The following ATP12A variants were observed in gnomAD, a reference collection of about 807,000 sequenced individuals.
ATP12A encodes the protein potassium-transporting ATPase alpha chain 2.
In ATP12A, 81 loss-of-function variants were observed where a neutral mutation model predicts 111.2. The ratio of observed to expected loss-of-function variants is 0.73; its 90% CI spans 0.61 to 0.88. The LOEUF (loss-of-function observed/expected upper bound fraction) is 0.88, where lower values mean the gene tolerates loss of function less well. Ranked by LOEUF, ATP12A falls within the 40% of genes least tolerant of loss-of-function variation. The pLI, the probability that ATP12A is intolerant of heterozygous loss-of-function variation, is 0.00. For synonymous variants in ATP12A, 498 were observed against 499.8 expected, an observed-to-expected ratio of 1.00 and a Z score of 0.05; for missense variants, 1,196 against 1,313.1, an observed-to-expected ratio of 0.91 and a Z score of 1.38.
At chr13:24,709,332 G>A (rs776083719) in intron 17 of ATP12A, 32 bp from the exon 18 acceptor site, 4 of 1,501,862 alleles carry the variant, frequency 2.7e-6, no homozygotes, top group Non-Finnish European at 3.6e-6. Context: ...GAACATCCTG[G>A]GGTTAGACCT....
chr13:24,709,425 G>A lies in ATP12A; in HGVS notation c.2555G>A (p.Arg852His), dbSNP rs768185894. Residue 852 changes from arginine (R) to histidine (H), a missense_variant, in exon 18 of 23, where the codon CGC (arginine) becomes CAC (histidine). Physicochemically the swap from Arg to His is conservative, Grantham distance 29. Around this residue, in one of 3 missense-constraint regions of ATP12A, gnomAD observed 1,126 missense variants for 1,228.5 expected, o/e 0.92. Coordinates refer to ENST00000381946, the MANE Select transcript of ATP12A (RefSeq NM_001676.7). Reference protein sequence around the residue: ...AESDIMNRKPRHKNKDRLVNQ... With the variant: ...AESDIMNRKPHHKNKDRLVNQ... ...AGTGACATCATGAACAGGAAGCCTC[G>A]CCACAAGAATAAGGACAGGCTGGTG... is the stretch of plus-strand genomic sequence containing the variant. 8.1e-6 allele frequency: 13 copies of A among 1,613,838 alleles called. No individual in the cohort carries two copies. The highest frequency in any genetic ancestry group is 2.2e-5 in the East Asian group (1 of 44,868).
chr13:24,698,704 T>C lies in ATP12A; in HGVS notation c.1559T>C (p.Met520Thr). 1 of 1,613,960 alleles carries C rather than the reference T, an allele frequency of 6.2e-7. No homozygotes were observed. The highest frequency in any genetic ancestry group is 8.5e-7 in the Non-Finnish European group (1 of 1,180,000). ...MDDPHGKRFL[M>T]VMKGAPERIL... ...GACCCCCACGGCAAGCGCTTCCTCA[T>C]GGTGATGAAGGGGGCCCCTGAGCGC... is the stretch of plus-strand genomic sequence containing the variant. Residue 520 changes from methionine (M) to threonine (T), a missense_variant, in exon 12 of 23, where the codon ATG (methionine) becomes ACG (threonine). By Grantham distance (81) the Met-to-Thr change is moderately conservative (BLOSUM62 -1). Transcript: ENST00000381946.
At chr13:24,693,706 A>G (rs1247793895) in intron 10 of ATP12A, among the ~76,000 whole-genome samples, 1 of 152,214 alleles carries the variant, frequency 6.6e-6, no homozygotes, top group Admixed American at 6.5e-5. Context: ...CTAATTGTCT[A>G]TGATATAACC....
intron 8 of ATP12A, 147 bp from the exon 9 acceptor site, chr13:24,692,282 T>A: frequency 1.3e-6 from 1 of 796,242 alleles, no homozygotes; most frequent in South Asian, 1.8e-5. Context: ...CAGGTCAGCT[T>A]AGCTGCGCTG....
chr13:24,692,750 A>G (rs762516608), intron 9 of ATP12A, 37 bp from the exon 10 acceptor site: 5 of 1,609,164 alleles, frequency 3.1e-6, no homozygotes, highest in Non-Finnish European at 4.3e-6. Context: ...CGGCCAGCCC[A>G]ACCCACAGCA....
rs771558566 is a variant in ATP12A at position 24,698,018 on chromosome 13, C to T, written c.1513-640C>T. Among the ~76,000 whole-genome samples the T allele has an allele frequency of 1.5e-4, 23 of 152,034 alleles. 1 individual carries two copies. The highest frequency in any genetic ancestry group is 4.8e-5 in the African/African-American group (2 of 41,382). ...TCAGAAGGGCTAGATAAGAGTTAGT[C>T]CTTTTATTCTTGTATATCGATTTTT... On this transcript the variant is annotated intron_variant, in intron 11 of 22. Coordinates refer to ENST00000381946, the MANE Select transcript of ATP12A (RefSeq NM_001676.7).
At chr13:24,684,757 A>G (rs1292527403) in intron 2 of ATP12A, among the ~76,000 whole-genome samples, 2 of 152,240 alleles carry the variant, frequency 1.3e-5, no homozygotes, top group East Asian at 1.9e-4. Flanking sequence ...GGCAGCCACA[A>G]TGCTGTGGGT....
At position 24,694,534 on chromosome 13, in the gene ATP12A, C is replaced by A. The variant is rs145531717; in HGVS notation, c.1468C>A (p.Arg490Ser). Residue 490 changes from arginine to serine, a missense_variant, in exon 11 of 23, where the codon CGC becomes AGC. Physicochemically the swap from Arg to Ser is moderately radical, Grantham distance 110. Transcript: ENST00000381946. ...GDVMEIRKRNRKVAEIPFNST... is the reference protein window; with the variant it reads ...GDVMEIRKRNSKVAEIPFNST... ...TGTGATGGAAATTAGAAAAAGAAAC[C>A]GCAAAGTAGCTGAAATCCCTTTTAA... The A allele has an allele frequency of 2.8e-4, 444 of 1,613,668 alleles. No individual in the cohort carries two copies. The highest frequency in any genetic ancestry group is 3.7e-4 in the Non-Finnish European group (436 of 1,180,008).
intron 2 of ATP12A, among the ~76,000 whole-genome samples, chr13:24,683,345 C>T (rs775351571): frequency 3.9e-5 from 6 of 152,182 alleles, no homozygotes; most frequent in Non-Finnish European, 7.3e-5. Flanking sequence ...AACTTCTACA[C>T]GGAGCTTGAG....
At position 24,688,208 on chromosome 13, in the gene ATP12A, G is replaced by A. The variant is rs1256660985; in HGVS notation, c.229-111G>A. ...TTTTCTCGGGACCTTCTTTGGCCAC[G>A]TTAATGCCTCACCCCAAGCTGCAAA... On this transcript the variant is annotated intron_variant, in intron 3 of 22. Transcript: ENST00000381946. 10 of 1,271,738 alleles carry A rather than the reference G, an allele frequency of 7.9e-6. No homozygotes were observed. The East Asian group carries it at 1.7e-4, about 21-fold the overall frequency. The allele number at this position is 1,271,738 out of a possible 1,614,324, so 78.8% of individuals were successfully genotyped here. A position where few individuals can be genotyped will look rare whatever the true frequency, so the allele number is the denominator to read the frequency against.
chr13:24,701,014 T>G, intron 13 of ATP12A, 92 bp downstream of exon 13: 1 of 1,359,340 alleles, frequency 7.4e-7, no homozygotes, highest in African/African-American at 1.5e-5. Context: ...AGTATTTAGG[T>G]GTCTTCAAGT....
At chr13:24,701,268 C>A (rs1421128665) in intron 13 of ATP12A, among the ~76,000 whole-genome samples, 1 of 152,064 alleles carries the variant, frequency 6.6e-6, no homozygotes, top group Non-Finnish European at 1.5e-5. Flanking sequence ...GAAGCTGAGG[C>A]AGGCGGATCA....
intron 2 of ATP12A, among the ~76,000 whole-genome samples, chr13:24,684,875 AAGGAGG>A (rs368907735): frequency 2.4e-4 from 37 of 152,280 alleles, no homozygotes; most frequent in African/African-American, 8.9e-4. Flanking sequence ...CCACACAGCG[AAGGAGG>A]AGGAGTTGTG....
rs1261875411 is a variant in ATP12A at position 24,710,583 on chromosome 13, G to C, written c.2887G>C (p.Gly963Arg). ...CCGGAGGAATTCCATCTTCCAGCAG[G>C]GTCTCTTCAGGTACTGCCTGTGCCC... ...KTRRNSIFQQ[G>R]LFRNKVIWVG... The change falls in exon 20 of 23, where the codon GGT becomes CGT. Residue 963 changes from glycine (G) to arginine (R), a missense_variant. This residue lies in a region of ATP12A where 1,126 missense variants were observed against 1,228.5 expected (regional missense o/e 0.92). Coordinates refer to ENST00000381946, the MANE Select transcript of ATP12A (RefSeq NM_001676.7). 1.2e-6 allele frequency: 2 copies of C among 1,614,028 alleles called. No homozygotes were observed. The highest frequency in any genetic ancestry group is 1.7e-6 in the Non-Finnish European group (2 of 1,180,042).
intron 8 of ATP12A, among the ~76,000 whole-genome samples, chr13:24,692,048 C>T (rs146360351): frequency 6.6e-6 from 1 of 152,242 alleles, no homozygotes; most frequent in African/African-American, 2.4e-5. Context: ...TCCTTTGGGA[C>T]AACTCTTTGG....
At chr13:24,690,953 CT>C (rs1277837513) in intron 7 of ATP12A, 28 bp from the exon 8 acceptor site, 2 of 1,612,042 alleles carry the variant, frequency 1.2e-6, no homozygotes, top group Non-Finnish European at 1.7e-6. Context: ...CTGAGGACCC[CT>C]GGAATAAAGC....
chr13:24,687,556 C>T (rs146096929), intron 3 of ATP12A, among the ~76,000 whole-genome samples: 127 of 152,274 alleles, frequency 8.3e-4, no homozygotes, highest in East Asian at 1.7e-3. Flanking sequence ...CACCAAAGAT[C>T]GTCTGTGGGG....
chr13:24,696,542 T>TAA (rs1271255255), intron 11 of ATP12A, among the ~76,000 whole-genome samples: 1 of 114,066 alleles, frequency 8.8e-6, no homozygotes, highest in Non-Finnish European at 1.8e-5. Flanking sequence ...CCGTCTCTAC[T>TAA]AAAAAAAAAA....
At chr13:24,697,477 A>C (rs1271617141) in intron 11 of ATP12A, among the ~76,000 whole-genome samples, 1 of 151,930 alleles carries the variant, frequency 6.6e-6, no homozygotes, top group African/African-American at 2.4e-5. Flanking sequence ...CTACAAAAAA[A>C]ACAAAAAACG....
Sources: gnomAD v4.1 joint callset for allele counts (sites outside exome capture counted in the v4.1 genomes callset) on GRCh38, gnomAD v4.1.1 for gene constraint, gnomAD v4.1.1 regional missense constraint, MANE v1.5 for transcripts, NCBI Gene and HGNC (gene_info 2026-07-23, HGNC 2026-07-21) for gene names.